The following SORBS2 variants were observed in gnomAD, a reference collection of about 807,000 sequenced individuals.
The protein encoded by SORBS2 is sorbin and SH3 domain containing 2.
In SORBS2, 46 loss-of-function variants were observed where a neutral mutation model predicts 97.7. That is an observed-to-expected ratio of 0.47 (90% CI 0.37 to 0.60). The LOEUF is 0.60. SORBS2 is among the 20% of genes least tolerant of loss of function. The probability of loss-of-function intolerance (pLI) is 0.00; values close to 1 mark genes in which losing one functional copy is unlikely to be tolerated. For synonymous variants in SORBS2, 476 were observed against 473.4 expected (o/e 1.01, Z -0.07); for missense variants, 1,316 against 1,282.3 (o/e 1.03, Z -0.40).
intron 1 of SORBS2, among the ~76,000 whole-genome samples, chr4:185,829,455 A>G (rs773559888): frequency 5.3e-5 from 8 of 152,206 alleles, no homozygotes; most frequent in Non-Finnish European, 1.0e-4. Flanking sequence ...ATGTGATTAC[A>G]TACACACAAA....
chr4:185,760,723 A>G (rs1446213435), intron 2 of SORBS2, among the ~76,000 whole-genome samples: 2 of 152,248 alleles, frequency 1.3e-5, no homozygotes, highest in African/African-American at 4.8e-5. Context: ...ATACGAGTTC[A>G]TGAACACGTC....
intron 1 of SORBS2, among the ~76,000 whole-genome samples, chr4:185,654,620 C>T (rs188622010): frequency 4.6e-5 from 7 of 152,248 alleles, no homozygotes; most frequent in South Asian, 2.1e-4. Context: ...AAATAAAATA[C>T]GAAAACTCTA....
intron 1 of SORBS2, among the ~76,000 whole-genome samples, chr4:185,892,386 A>AT (rs2099242957): frequency 6.6e-6 from 1 of 152,202 alleles, no homozygotes; most frequent in African/African-American, 2.4e-5. Context: ...TTTTGCAAAC[A>AT]TTAATCCATG....
intron 1 of SORBS2, among the ~76,000 whole-genome samples, chr4:185,803,377 C>G (rs916481562): frequency 6.6e-6 from 1 of 152,152 alleles, no homozygotes; most frequent in African/African-American, 2.4e-5. Context: ...AAAGGAAGCA[C>G]AAGCTTAGGG....
intron 1 of SORBS2, among the ~76,000 whole-genome samples, chr4:185,906,115 C>T (rs1296515027): frequency 6.6e-6 from 1 of 152,092 alleles, no homozygotes; most frequent in African/African-American, 2.4e-5. Flanking sequence ...CTCACTGCAA[C>T]CTCCGCCTCC....
chr4:185,670,620 T>C (rs1256167463), intron 4 of SORBS2, among the ~76,000 whole-genome samples: 4 of 152,014 alleles, frequency 2.6e-5, no homozygotes, highest in Admixed American at 1.3e-4. Context: ...TTTTTTTTTT[T>C]TGGAGTCTTG....
chr4:185,921,653 A>T (rs1209811739), intron 1 of SORBS2, among the ~76,000 whole-genome samples: 1 of 152,234 alleles, frequency 6.6e-6, no homozygotes, highest in Non-Finnish European at 1.5e-5. Context: ...CTGAGAAGAT[A>T]CAGGTTATAG....
intron 1 of SORBS2, among the ~76,000 whole-genome samples, chr4:185,944,581 A>G (rs1484200471): frequency 1.3e-5 from 2 of 152,348 alleles, no homozygotes; most frequent in East Asian, 3.9e-4. Flanking sequence ...CAAACTACAG[A>G]GAAGCTGAAA....
At chr4:185,956,074 G>A (rs2099279397) in intron 1 of SORBS2, 1 of 152,164 alleles carries the variant, frequency 6.6e-6, no homozygotes, top group African/African-American at 2.4e-5. Context: ...TTTAAAGCTG[G>A]CACTCAGCCT....
Position 185,779,152 on chromosome 4 carries a change from GA to G in SORBS2, c.-337-3787del, listed in dbSNP as rs538983382. 2.6e-4 allele frequency among the ~76,000 whole-genome samples: 39 copies of G among 150,742 alleles called. No individual in the cohort carries two copies. The East Asian group carries it at 5.9e-3, about 23-fold the overall frequency. ...AGCTTTGCTTCTCACTTTCTTGGTTGAACCTTTCAGAAAACTTTTAAAAGTG... is the reference window on the plus strand; with the variant it reads ...AGCTTTGCTTCTCACTTTCTTGGTTGACCTTTCAGAAAACTTTTAAAAGTG... On this transcript the variant is annotated intron_variant, in intron 1 of 20. Transcript: ENST00000284776.
At chr4:185,751,178 A>AAAAAAAAAAAAAAAAAAAAAAAAAAAAAG in intron 2 of SORBS2, among the ~76,000 whole-genome samples, 1 of 137,220 alleles carries the variant, frequency 7.3e-6, no homozygotes, top group Non-Finnish European at 1.6e-5. Flanking sequence ...ATACTAAAAA[A>AAAAAAAAAAAAAAAAAAAAAAAAAAAAAG]AAAAAAAAAA....
intron 1 of SORBS2, among the ~76,000 whole-genome samples, chr4:185,840,374 T>C (rs2099210764): frequency 6.6e-6 from 1 of 152,158 alleles, no homozygotes; most frequent in Non-Finnish European, 1.5e-5. Context: ...TTTGGTGTGG[T>C]TCTTTCATAA....
intron 2 of SORBS2, among the ~76,000 whole-genome samples, chr4:185,712,496 T>C (rs7673413): frequency 0.74 from 112,234 of 152,254 alleles, 42,615 homozygotes; most frequent in Non-Finnish European, 0.84. Flanking sequence ...AGTGCAAATA[T>C]AAAAGGCTGT....
intron 4 of SORBS2, among the ~76,000 whole-genome samples, chr4:185,677,843 A>G (rs1449231615): frequency 6.6e-6 from 1 of 152,160 alleles, no homozygotes; most frequent in East Asian, 1.9e-4. Flanking sequence ...TTTATTATCA[A>G]TGTTTGCCCT....
At chr4:185,874,858 A>ACC (rs2099232466) in intron 1 of SORBS2, among the ~76,000 whole-genome samples, 1 of 93,106 alleles carries the variant, frequency 1.1e-5, no homozygotes, top group Non-Finnish European at 2.5e-5. Context: ...CCTTACCCTG[A>ACC]TTTTTTTTTT....
chr4:185,697,745 C>T (rs1374218780), intron 2 of SORBS2, among the ~76,000 whole-genome samples: 1 of 152,138 alleles, frequency 6.6e-6, no homozygotes, highest in Non-Finnish European at 1.5e-5. Context: ...CAGCCTACTC[C>T]TGCTTAATTC....
chr4:185,667,232 G>C (rs1582248139), intron 4 of SORBS2, among the ~76,000 whole-genome samples: 1 of 152,322 alleles, frequency 6.6e-6, no homozygotes, highest in East Asian at 1.9e-4. Flanking sequence ...TGAGATATTA[G>C]TACAAAGATG....
chr4:185,610,380 C>T (rs1367147810), intron 12 of SORBS2, among the ~76,000 whole-genome samples: 1 of 151,814 alleles, frequency 6.6e-6, no homozygotes, highest in Non-Finnish European at 1.5e-5. Context: ...TCTGTAAATG[C>T]TAAGGTCTGG....
intron 1 of SORBS2, among the ~76,000 whole-genome samples, chr4:185,906,698 T>C (rs1288632347): frequency 6.6e-6 from 1 of 152,216 alleles, no homozygotes; most frequent in African/African-American, 2.4e-5. Flanking sequence ...TCTCGGACTA[T>C]ATGCATGACT....
Sources: allele counts gnomAD v4.1 joint callset (sites outside exome capture counted in the v4.1 genomes callset), GRCh38; gene constraint gnomAD v4.1.1; transcripts MANE v1.5; gene names NCBI Gene and HGNC (gene_info 2026-07-23, HGNC 2026-07-21).